ASPH: variants seen among roughly 807,000 people sequenced by gnomAD.
ASPH encodes the protein aspartyl/asparaginyl beta-hydroxylase.
A neutral mutation model predicts 118.4 loss-of-function variants in ASPH; 100 were observed. The observed-to-expected ratio is 0.84, with a 90% CI of 0.72 to 1.00. ASPH has a LOEUF of 1.00. ASPH is among the 50% of genes least tolerant of loss of function. The pLI is 0.00. For synonymous variants in ASPH, 315 were observed against 325.6 expected (o/e 0.97, Z 0.35); for missense variants, 920 against 919.5 (o/e 1.00, Z -0.01).
Position 61,518,018 on chromosome 8 carries a change from G to T in ASPH, c.1992+14C>A, listed in dbSNP as rs200541999. On this transcript the variant is annotated intron_variant, in intron 23 of 24. Coordinates refer to ENST00000379454, the MANE Select transcript of ASPH (RefSeq NM_004318.4). ...CAATTAATTGTATTCTCCCCAGCAC[G>T]ACACTCTTGGTACCTGTCCTCTTCT... The T allele has an allele frequency of 5.0e-6, 8 of 1,602,138 alleles. No individual in the cohort carries two copies. Among genetic ancestry groups the T allele is most frequent in the Non-Finnish European group, 6.8e-6 (8 of 1,169,894 alleles).
chr8:61,597,271 C>G (rs1005863526), intron 14 of ASPH, among the ~76,000 whole-genome samples: 1 of 151,012 alleles, frequency 6.6e-6, no homozygotes. Flanking sequence ...AATCCCAGCA[C>G]TTTGGGAGGC....
At chr8:61,557,118 A>G (rs541293554) in intron 18 of ASPH, among the ~76,000 whole-genome samples, 4 of 152,204 alleles carry the variant, frequency 2.6e-5, no homozygotes, top group Admixed American at 1.3e-4. Flanking sequence ...TCATCTCTCT[A>G]TATCTTCTTA....
At chr8:61,576,377 T>C (rs539316307) in intron 16 of ASPH, among the ~76,000 whole-genome samples, 226 of 152,208 alleles carry the variant, frequency 1.5e-3, no homozygotes, top group Non-Finnish European at 2.7e-3. Context: ...CAAAGTATGT[T>C]CCACTTTATA....
intron 3 of ASPH, among the ~76,000 whole-genome samples, chr8:61,679,176 C>T (rs551483827): frequency 1.6e-4 from 25 of 152,236 alleles, no homozygotes; most frequent in Non-Finnish European, 3.7e-4. Flanking sequence ...AAGCCAACTG[C>T]AAACTAGTAC....
At chr8:61,705,200 C>A (rs553437192) in intron 1 of ASPH, among the ~76,000 whole-genome samples, 82 of 152,196 alleles carry the variant, frequency 5.4e-4, no homozygotes, top group African/African-American at 1.7e-3. Context: ...ACATTGACTA[C>A]CTACGGACAC....
In ASPH at chr8:61,558,149, C is replaced by T. The variant is rs148930351; in HGVS notation, c.1438-2127G>A. 2.3e-4 allele frequency among the ~76,000 whole-genome samples: 35 copies of T among 152,210 alleles called. No homozygotes were observed. In the East Asian group the frequency reaches 6.6e-3, roughly 29 times the overall value. ...TAGACAAATTTAGAAGTAGACAATG[C>T]AAGATGGTAAATGTAGCTATAGATA... On this transcript the variant is annotated intron_variant, in intron 18 of 24. Coordinates refer to ENST00000379454, the MANE Select transcript of ASPH (RefSeq NM_004318.4).
chr8:61,607,352 T>C (rs1231368613), intron 14 of ASPH: 5 of 691,864 alleles, frequency 7.2e-6, no homozygotes, highest in South Asian at 3.0e-5. Flanking sequence ...GGAATATATA[T>C]AATTCTTTCT....
intron 16 of ASPH, chr8:61,576,563 G>T: frequency 2.2e-6 from 1 of 460,346 alleles, no homozygotes; most frequent in Non-Finnish European, 3.8e-6. Flanking sequence ...CAAAGCCAGA[G>T]AGAAGTCATA....
In ASPH at chr8:61,548,196, A is replaced by G. The variant is rs201964441; in HGVS notation, c.1639T>C (p.Tyr547His). 3 of 1,613,566 alleles carry G rather than the reference A, an allele frequency of 1.9e-6. No homozygotes were observed. Among genetic ancestry groups the G allele is most frequent in the Non-Finnish European group, 2.5e-6 (3 of 1,179,692 alleles). Reference protein sequence around the residue: ...RVGNKEAYKWYELGHKRGHFA... With the variant: ...RVGNKEAYKWHELGHKRGHFA... The stretch of plus-strand genomic sequence containing the variant: ...TGTCCTCTCTTGTGCCCAAGCTCAT[A>G]CCACTTATATGCCTGAAGGAACAGA... Residue 547 changes from tyrosine (Y) to histidine (H), a missense_variant, in exon 21 of 25, where the codon TAT becomes CAT. Coordinates refer to ENST00000379454, the MANE Select transcript of ASPH (RefSeq NM_004318.4).
intron 17 of ASPH, among the ~76,000 whole-genome samples, chr8:61,564,400 G>C (rs1052647985): frequency 6.6e-6 from 1 of 151,012 alleles, no homozygotes; most frequent in South Asian, 2.1e-4. Context: ...CCGGGTTCAA[G>C]TGATTCTCCT....
chr8:61,539,822 A>G (rs994300287), intron 21 of ASPH, among the ~76,000 whole-genome samples: 1 of 151,242 alleles, frequency 6.6e-6, no homozygotes, highest in Non-Finnish European at 1.5e-5. Flanking sequence ...TTTATTTTCA[A>G]TGTTACTATA....
chr8:61,633,024 C>T lies in ASPH; in HGVS notation c.934+659G>A, dbSNP rs185111531. On this transcript the variant is annotated intron_variant, in intron 13 of 24. Coordinates refer to ENST00000379454, the MANE Select transcript of ASPH (RefSeq NM_004318.4). ...AACATTCTTTCCCACTATGAGAGTACGAGGTTTATAAACTCACTTCTGGTT... is the reference window on the plus strand; with the variant it reads ...AACATTCTTTCCCACTATGAGAGTATGAGGTTTATAAACTCACTTCTGGTT... 8.3e-3 allele frequency: 1,343 copies of T among 161,134 alleles called. 12 individuals are homozygous for T. The highest frequency in any genetic ancestry group is 0.013 in the Non-Finnish European group (999 of 74,128). The allele number at this position is 161,134 out of a possible 1,614,324, so 10.0% of individuals were successfully genotyped here.
intron 15 of ASPH, among the ~76,000 whole-genome samples, chr8:61,579,909 C>CAAAAAA (rs35492301): frequency 6.1e-5 from 3 of 49,424 alleles, no homozygotes; most frequent in Middle Eastern, 0.01. Flanking sequence ...CTGCCAATGT[C>CAAAAAA]AAAAAAAAAA....
chr8:61,590,458 A>C (rs1392307556), intron 14 of ASPH, among the ~76,000 whole-genome samples: 1 of 152,126 alleles, frequency 6.6e-6, no homozygotes, highest in Non-Finnish European at 1.5e-5. Flanking sequence ...GAAGCCATGC[A>C]AAGGGACATA....
At chr8:61,681,646 C>T (rs970302390) in intron 2 of ASPH, among the ~76,000 whole-genome samples, 6 of 151,742 alleles carry the variant, frequency 4.0e-5, no homozygotes, top group African/African-American at 1.2e-4. Context: ...CTGGAGGCTT[C>T]GGAAATTATA....
At chr8:61,703,938 A>G (rs991681267) in intron 1 of ASPH, among the ~76,000 whole-genome samples, 1 of 152,184 alleles carries the variant, frequency 6.6e-6, no homozygotes, top group Non-Finnish European at 1.5e-5. Context: ...AGATAACAAA[A>G]AAACAGAGGG....
chr8:61,584,137 A>T (rs1347800029), intron 14 of ASPH, 108 bp from the exon 15 acceptor site: 9 of 678,236 alleles, frequency 1.3e-5, no homozygotes, highest in Non-Finnish European at 9.6e-6. Context: ...TCCACCAAAG[A>T]CCTGCAGGAG....
At chr8:61,507,858 G>T (rs545983530) in intron 24 of ASPH, among the ~76,000 whole-genome samples, 2 of 152,144 alleles carry the variant, frequency 1.3e-5, no homozygotes, top group African/African-American at 4.8e-5. Flanking sequence ...TCTTCAGAGC[G>T]GCCTGTGACA....
chr8:61,639,267 T>C (rs927721288), intron 10 of ASPH, among the ~76,000 whole-genome samples: 4 of 152,118 alleles, frequency 2.6e-5, no homozygotes, highest in African/African-American at 4.8e-5. Flanking sequence ...CTTTCTTCCA[T>C]TGAACAATCT....
Sources: gnomAD v4.1 joint callset for allele counts (sites outside exome capture counted in the v4.1 genomes callset) on GRCh38, gnomAD v4.1.1 for gene constraint, MANE v1.5 for transcripts, NCBI Gene and HGNC (gene_info 2026-07-23, HGNC 2026-07-21) for gene names.